The following CFI variants were observed in gnomAD, a reference collection of about 807,000 sequenced individuals.
The protein encoded by CFI is C3B/C4B inactivator.
A neutral mutation model predicts 78.8 loss-of-function variants in CFI; 66 were observed. The observed-to-expected ratio is 0.84, with a 90% CI of 0.69 to 1.03. CFI has a LOEUF of 1.03. Ranked by LOEUF, CFI falls within the 50% of genes least tolerant of loss-of-function variation. The pLI is 0.00. For synonymous variants in CFI, 250 were observed against 232.6 expected, an observed-to-expected ratio of 1.07 and a Z score of -0.68; for missense variants, 706 against 704.5, an observed-to-expected ratio of 1.00 and a Z score of -0.02.
At position 109,764,665 on chromosome 4, in the gene CFI, A is replaced by T. The variant is rs374030162; in HGVS notation, c.354T>A (p.His118Gln). The change falls in exon 3 of 13, where the codon CAT becomes CAA. Residue 118 changes from histidine to glutamine, a missense_variant. Coordinates refer to ENST00000394634, the MANE Select transcript of CFI (RefSeq NM_000204.5). Reference sequence around the variant, plus strand: ...CTATTCCCTCTGAATCTGTATTTCCATGCTTCAAGGAAACACTAAACTTTC... The same window carrying T: ...CTATTCCCTCTGAATCTGTATTTCCTTGCTTCAAGGAAACACTAAACTTTC... The part of the protein sequence containing the change: ...AEGKFSVSLK[H>Q]GNTDSEGIVE... 5 of 1,613,816 alleles carry T rather than the reference A, an allele frequency of 3.1e-6. No homozygotes were observed. The African/African-American group carries it at 5.3e-5, about 17-fold the overall frequency.
chr4:109,752,477 T>G lies in CFI; in HGVS notation c.931A>C (p.Met311Leu). 6.2e-7 allele frequency: 1 copy of G among 1,613,458 alleles called. No homozygotes were observed. The highest frequency in any genetic ancestry group is 2.2e-5 in the East Asian group (1 of 44,762). ...QEETEILTAD[M>L]DAERRRIKSL... Reference sequence around the variant, plus strand: ...TATAACGTTAGCTTACCTGCATCCATGTCAGCAGTCAAAATTTCTGTTTCT... The same window carrying G: ...TATAACGTTAGCTTACCTGCATCCAGGTCAGCAGTCAAAATTTCTGTTTCT... The change falls in exon 8 of 13, where the codon ATG (methionine) becomes CTG (leucine). Residue 311 changes from methionine (M) to leucine (L), a missense_variant. Coordinates refer to ENST00000394634, the MANE Select transcript of CFI (RefSeq NM_000204.5).
intron 1 of CFI, among the ~76,000 whole-genome samples, chr4:109,771,714 CAAAA>C (rs149565381): frequency 0.023 from 409 of 17,924 alleles, 3 homozygotes; most frequent in African/African-American, 0.068. Context: ...ACTCCATCAC[CAAAA>C]AAAAAAAAAA....
intron 11 of CFI, 60 bp from the exon 12 acceptor site, chr4:109,742,655 T>C: frequency 9.7e-7 from 1 of 1,032,676 alleles, no homozygotes; most frequent in Non-Finnish European, 1.5e-6. Flanking sequence ...AAATACATAC[T>C]CTCATAACTT....
intron 7 of CFI, among the ~76,000 whole-genome samples, chr4:109,752,978 TG>T (rs1425503273): frequency 1.4e-3 from 122 of 88,622 alleles, no homozygotes; most frequent in African/African-American, 3.0e-3. Context: ...ATTTATTATA[TG>T]AATAAATATT....
At chr4:109,801,018 T>A (rs565028993) in intron 1 of CFI, among the ~76,000 whole-genome samples, 16 of 152,316 alleles carry the variant, frequency 1.1e-4, no homozygotes, top group Admixed American at 1.3e-4. Flanking sequence ...CTTAAGTAGT[T>A]TTCTTTAAAT....
intron 1 of CFI, among the ~76,000 whole-genome samples, chr4:109,772,983 C>T (rs1254313853): frequency 6.6e-6 from 1 of 152,086 alleles, no homozygotes; most frequent in East Asian, 1.9e-4. Context: ...TTGCATTTTC[C>T]CCTTGAGGTT....
intron 1 of CFI, among the ~76,000 whole-genome samples, chr4:109,778,307 C>T (rs560965570): frequency 1.8e-4 from 28 of 152,040 alleles, no homozygotes; most frequent in African/African-American, 5.8e-4. Context: ...ATATCACCAC[C>T]GATCCCACAG....
At chr4:109,754,070 G>A (rs896381021) in intron 7 of CFI, among the ~76,000 whole-genome samples, 2 of 151,048 alleles carry the variant, frequency 1.3e-5, no homozygotes, top group Admixed American at 6.6e-5. Context: ...TGCAACATCC[G>A]CCTCCCAGGT....
chr4:109,759,982 T>C, intron 6 of CFI: 1 of 531,894 alleles, frequency 1.9e-6, no homozygotes, highest in Non-Finnish European at 3.4e-6. Flanking sequence ...TGGCAAACTA[T>C]CAATAACTTG....
At chr4:109,793,090 C>A (rs1459938125) in intron 1 of CFI, among the ~76,000 whole-genome samples, 1 of 152,088 alleles carries the variant, frequency 6.6e-6, no homozygotes, top group Non-Finnish European at 1.5e-5. Flanking sequence ...TCATATTCAA[C>A]TATTTCAGTT....
intron 11 of CFI, among the ~76,000 whole-genome samples, chr4:109,742,802 T>C (rs543306356): frequency 6.6e-6 from 1 of 152,324 alleles, no homozygotes; most frequent in Admixed American, 6.5e-5. Flanking sequence ...ATTGAACATA[T>C]GGTCTGAAGT....
At chr4:109,757,948 G>C in intron 6 of CFI, 165 bp from the exon 7 acceptor site, 1 of 1,464,532 alleles carries the variant, frequency 6.8e-7, no homozygotes, top group Non-Finnish European at 9.1e-7. Context: ...TGAATTGTAG[G>C]ATGTCTAGCT....
chr4:109,734,251 C>G, the CFI span, among the ~76,000 whole-genome samples: 2 of 152,020 alleles, frequency 1.3e-5, no homozygotes, highest in African/African-American at 4.8e-5. Context: ...AGAGCAAGGT[C>G]TAAGTCTTAG....
chr4:109,789,777 A>G (rs975893648), intron 1 of CFI, among the ~76,000 whole-genome samples: 4 of 152,068 alleles, frequency 2.6e-5, no homozygotes, highest in African/African-American at 9.6e-5. Context: ...CTGTTTTGCA[A>G]TTTTTCTTGT....
chr4:109,768,041 C>T (rs1383529587), intron 1 of CFI, among the ~76,000 whole-genome samples: 1 of 147,438 alleles, frequency 6.8e-6, no homozygotes, highest in African/African-American at 2.5e-5. Flanking sequence ...GACAAAAAAC[C>T]AAACACCACA....
rs1405010355 is a variant in CFI, at chr4:109,764,699, A to G, written c.329-9T>C. On this transcript the variant is annotated splice_polypyrimidine_tract_variant and intron_variant, in intron 2 of 12. Transcript: ENST00000394634. The stretch of plus-strand genomic sequence containing the variant: ...GGAAACACTAAACTTTCCTAAAATA[A>G]AAAAACAAAATAATGTGCAATATGT... 1.9e-6 allele frequency: 3 copies of G among 1,611,688 alleles called. No homozygotes were observed. The highest frequency in any genetic ancestry group is 2.5e-6 in the Non-Finnish European group (3 of 1,179,244).
chr4:109,757,955 A>G (rs1012488721), intron 6 of CFI, 172 bp from the exon 7 acceptor site: 2 of 1,463,212 alleles, frequency 1.4e-6, no homozygotes, highest in Non-Finnish European at 9.1e-7. Context: ...TAGGATGTCT[A>G]GCTGCTAAAA....
Position 109,742,569 on chromosome 4 carries a change from A to G in CFI, c.1456T>C (p.Trp486Arg), listed in dbSNP as rs1453883082. 1.2e-6 allele frequency: 2 copies of G among 1,611,384 alleles called. No individual in the cohort carries two copies. The highest frequency in any genetic ancestry group is 1.1e-5 in the South Asian group (1 of 91,028). ...KDNERVFSLQ[W>R]GEVKLISNCS... The stretch of plus-strand genomic sequence containing the variant: ...TTGCTTATTAGTTTAACTTCACCCC[A>G]CTGAAGTGAAAAGACTCTTTCGTTA... Residue 486 changes from tryptophan (W) to arginine (R), a missense_variant, in exon 12 of 13, where the codon TGG becomes CGG. Trp to Arg is a moderately radical substitution (Grantham distance 101, BLOSUM62 -3). Coordinates refer to ENST00000394634, the MANE Select transcript of CFI (RefSeq NM_000204.5).
intron 10 of CFI, among the ~76,000 whole-genome samples, chr4:109,747,342 A>C (rs916722913): frequency 1.0e-5 from 1 of 99,126 alleles, no homozygotes; most frequent in East Asian, 2.9e-4. Flanking sequence ...GTGCCACCAC[A>C]TTAAGCTAAT....
Sources: gnomAD v4.1 joint callset for allele counts (sites outside exome capture counted in the v4.1 genomes callset) on GRCh38, gnomAD v4.1.1 for gene constraint, MANE v1.5 for transcripts, NCBI Gene and HGNC (gene_info 2026-07-23, HGNC 2026-07-21) for gene names.